TEP1: variants seen among roughly 807,000 people sequenced by gnomAD.
TEP1 encodes telomerase associated protein 1.
TEP1 carries 241 observed loss-of-function variants against 306.3 expected under a neutral mutation model. The observed-to-expected ratio is 0.79, with a 90% CI of 0.71 to 0.88. The LOEUF is 0.88. TEP1 is among the 40% of genes least tolerant of loss of function. The probability of loss-of-function intolerance (pLI) is 0.00; values close to 1 mark genes in which losing one functional copy is unlikely to be tolerated. For missense variants in TEP1, 3,051 were observed against 3,276.1 expected, an observed-to-expected ratio of 0.93 and a Z score of 1.68; for synonymous variants, 1,289 against 1,305.5, an observed-to-expected ratio of 0.99 and a Z score of 0.27.
rs1178140543 is a variant in TEP1, at chr14:20,394,199, C to A, written c.1928+1251G>T. Among the ~76,000 whole-genome samples, 7 of 152,304 alleles carry A rather than the reference C, an allele frequency of 4.6e-5. No homozygotes were observed. In the East Asian group the frequency reaches 1.2e-3, roughly 25 times the overall value. On this transcript the variant is annotated intron_variant, in intron 12 of 54. Coordinates refer to ENST00000262715, the MANE Select transcript of TEP1 (RefSeq NM_007110.5). ...TCAAGAGATCCCAGCACCTCAGCCTCCCAAGTAGGTGGGACTACAAGTGCA... is the reference window on the plus strand; with the variant it reads ...TCAAGAGATCCCAGCACCTCAGCCTACCAAGTAGGTGGGACTACAAGTGCA...
At chr14:20,379,837 A>G (rs1211840996) in intron 35 of TEP1, 93 bp downstream of exon 35, 7 of 1,478,932 alleles carry the variant, frequency 4.7e-6, no homozygotes, top group Non-Finnish European at 6.3e-6. Flanking sequence ...AATTAATCAG[A>G]GTGATAACAG....
intron 12 of TEP1, among the ~76,000 whole-genome samples, chr14:20,392,831 T>C (rs1713424): frequency 0.48 from 72,298 of 151,958 alleles, 17,468 homozygotes; most frequent in African/African-American, 0.55. Flanking sequence ...GAAACACACA[T>C]GAAATAAGGA....
intron 35 of TEP1, 21 bp downstream of exon 35, chr14:20,379,909 G>T: frequency 6.2e-7 from 1 of 1,601,552 alleles, no homozygotes; most frequent in Non-Finnish European, 8.5e-7. Context: ...GGTAAATTCT[G>T]CCCCTCCTTG....
intron 16 of TEP1, 143 bp from the exon 17 acceptor site, chr14:20,389,440 C>CA: frequency 7.1e-7 from 1 of 1,409,784 alleles, no homozygotes; most frequent in Non-Finnish European, 9.9e-7. Flanking sequence ...TGGACTCTCA[C>CA]AGAGGGGTAC....
chr14:20,377,967 A>G, intron 39 of TEP1, 57 bp downstream of exon 39: 1 of 1,588,850 alleles, frequency 6.3e-7, no homozygotes, highest in Non-Finnish European at 8.6e-7. Flanking sequence ...CCACCAAGAT[A>G]TTCTTTGCCT....
intron 54 of TEP1, 84 bp downstream of exon 54, chr14:20,368,714 C>G (rs1884621575): frequency 1.3e-6 from 2 of 1,538,216 alleles, no homozygotes; most frequent in Non-Finnish European, 1.8e-6. Context: ...CTTTCTTACT[C>G]TAAGTTTGCT....
chr14:20,371,577 A>G lies in TEP1; in HGVS notation c.7132T>C (p.Trp2378Arg). 6.2e-7 allele frequency: 1 copy of G among 1,603,532 alleles called. No individual in the cohort carries two copies. The highest frequency in any genetic ancestry group is 8.5e-7 in the Non-Finnish European group (1 of 1,177,822). ...EDLGVLTSLD[W>R]APDGHFLILA... ...ATGAGAAAGTGACCATCAGGAGCCCAATCCAGACTTGTCAGCACCCCTAAG... is the reference window on the plus strand; with the variant it reads ...ATGAGAAAGTGACCATCAGGAGCCCGATCCAGACTTGTCAGCACCCCTAAG... Residue 2378 changes from tryptophan (W) to arginine (R), a missense_variant, in exon 50 of 55, where the codon TGG (tryptophan) becomes CGG (arginine). Transcript: ENST00000262715.
Position 20,386,116 on chromosome 14 carries a change from G to T in TEP1, c.2941C>A (p.Pro981Thr), listed in dbSNP as rs756229860. Residue 981 changes from proline (P) to threonine (T), a missense_variant, in exon 20 of 55, where the codon CCC becomes ACC. Physicochemically the swap from Pro to Thr is conservative, Grantham distance 38. This residue lies in a region of TEP1 where 1,507 missense variants were observed against 1,550.5 expected (regional missense o/e 0.97). Coordinates refer to ENST00000262715, the MANE Select transcript of TEP1 (RefSeq NM_007110.5). ...TGGTCAGGAAGGTTGTAGCTGGGGG[G>T]AATGTATCCATAACGGGAGCCCAGA... Reference protein sequence around the residue: ...GILGSRYGYIPPSYNLPDHPH... With the variant: ...GILGSRYGYITPSYNLPDHPH... 1 of 1,613,056 alleles carries T rather than the reference G, an allele frequency of 6.2e-7. No homozygotes were observed. Among genetic ancestry groups the T allele is most frequent in the Admixed American group, 1.7e-5 (1 of 59,822 alleles).
rs1344288235 is a variant in TEP1, at chr14:20,369,654, G to T, written c.7423+20C>A. ...CCTGGGCCATCTCCCGGCTCCTCAG[G>T]TCCTCCTGTTACCACTCACCAGATT... On this transcript the variant is annotated intron_variant, in intron 52 of 54. Transcript: ENST00000262715. 6.2e-7 allele frequency: 1 copy of T among 1,613,100 alleles called. No individual in the cohort carries two copies. The highest frequency in any genetic ancestry group is 1.3e-5 in the African/African-American group (1 of 74,972).
At chr14:20,383,721 G>A (rs1410726574) in intron 25 of TEP1, 22 bp downstream of exon 25, 1 of 1,609,186 alleles carries the variant, frequency 6.2e-7, no homozygotes, top group African/African-American at 1.3e-5. Context: ...CAACAAGGCT[G>A]GGCTCATTGG....
chr14:20,401,877 T>C (rs1469762733), intron 7 of TEP1, among the ~76,000 whole-genome samples: 1 of 152,146 alleles, frequency 6.6e-6, no homozygotes, highest in African/African-American at 2.4e-5. Flanking sequence ...AGGACAGCTT[T>C]GTTTGTAGAG....
rs1876747708 is a variant in TEP1 at position 20,383,164 on chromosome 14, A to G, written c.4047+10T>C. 6.3e-7 allele frequency: 1 copy of G among 1,583,616 alleles called. No individual in the cohort carries two copies. Among genetic ancestry groups the G allele is most frequent in the Admixed American group, 1.8e-5 (1 of 54,804 alleles). On this transcript the variant is annotated intron_variant, in intron 27 of 54. Coordinates refer to ENST00000262715, the MANE Select transcript of TEP1 (RefSeq NM_007110.5). Reference sequence around the variant, plus strand: ...CCCACACACCCACCGGCCCCGGCCTAGAACCCAACCTGGTTGTTAAATGGT... The same window carrying G: ...CCCACACACCCACCGGCCCCGGCCTGGAACCCAACCTGGTTGTTAAATGGT...
In TEP1 at chr14:20,401,054, A is replaced by G; in HGVS notation, c.1479T>C (p.Ser493=). The part of the protein sequence containing the change: ...SSRAGKRMKL[S]RPETWERELS... The stretch of plus-strand genomic sequence containing the variant: ...GCTCCCGCTCCCAGGTCTCTGGCCT[A>G]GACAGCTTCATCCTCTTCCCAGCTC... Residue 493 remains serine (S), a synonymous_variant, in exon 9 of 55, where the codon TCT becomes TCC. Coordinates refer to ENST00000262715, the MANE Select transcript of TEP1 (RefSeq NM_007110.5). 1 of 1,614,252 alleles carries G rather than the reference A, an allele frequency of 6.2e-7. No homozygotes were observed. The highest frequency in any genetic ancestry group is 2.2e-5 in the East Asian group (1 of 44,888).
rs142604447 is a variant in TEP1, at chr14:20,402,168, C to A, written c.1267-587G>T. Among the ~76,000 whole-genome samples, 154 of 152,070 alleles carry A rather than the reference C, an allele frequency of 1.0e-3. 4 individuals are homozygous for A. The East Asian group carries it at 0.023, about 23-fold the overall frequency. ...TAAAACTACAAAAAAATTAGCTGGG[C>A]ATGGTGGTGGATGTCTGTACTCCCA... On this transcript the variant is annotated intron_variant, in intron 7 of 54. Transcript: ENST00000262715.
chr14:20,389,810 T>A, intron 15 of TEP1, 70 bp from the exon 16 acceptor site: 1 of 1,585,436 alleles, frequency 6.3e-7, no homozygotes, highest in Non-Finnish European at 8.6e-7. Flanking sequence ...AGATATGAGC[T>A]TTCTGAGGAC....
chr14:20,377,564 A>G (rs1421914066), intron 40 of TEP1, 36 bp downstream of exon 40: 3 of 1,613,696 alleles, frequency 1.9e-6, no homozygotes, highest in Non-Finnish European at 2.5e-6. Flanking sequence ...CGCTCTTTCT[A>G]AAGGCTCAAA....
intron 12 of TEP1, 90 bp from the exon 13 acceptor site, chr14:20,391,857 T>C: frequency 7.0e-7 from 1 of 1,424,262 alleles, no homozygotes; most frequent in East Asian, 2.3e-5. Context: ...CCACTAAGTA[T>C]TGAGTCTTCT....
At chr14:20,369,314 T>C (rs1215618569) in intron 53 of TEP1, 30 bp downstream of exon 53, 2 of 1,611,256 alleles carry the variant, frequency 1.2e-6, no homozygotes, top group African/African-American at 2.7e-5. Flanking sequence ...AGCCCTCCCC[T>C]AGTATTTCTG....
chr14:20,381,554 T>C lies in TEP1; in HGVS notation c.4557A>G (p.Ala1519=), dbSNP rs776135495. The C allele has an allele frequency of 1.4e-5, 22 of 1,613,486 alleles. No individual in the cohort carries two copies. The South Asian group carries it at 2.4e-4, about 18-fold the overall frequency. Residue 1519 remains alanine, a splice_region_variant and synonymous_variant, in exon 31 of 55, where the codon GCA becomes GCG. Transcript: ENST00000262715. The surrounding 1 kb of genome is among the most constrained non-coding windows in gnomAD (Gnocchi z 4.0). ...CAGGCTGACTTGGGCTGCAATCACC[T>C]GCAATGAGGATGTGTGCCGTGTCCT... The part of the protein sequence containing the change: ...GLEDTAHILI[A]AQLWKTCDAD...
Sources: gnomAD v4.1 joint callset for allele counts (sites outside exome capture counted in the v4.1 genomes callset) on GRCh38, gnomAD v4.1.1 for gene constraint, gnomAD v4.1.1 regional missense constraint, Gnocchi (gnomAD v3.1) non-coding constraint, MANE v1.5 for transcripts, NCBI Gene and HGNC (gene_info 2026-07-23, HGNC 2026-07-21) for gene names.